SLC24A3: variants seen among roughly 807,000 people sequenced by gnomAD.
SLC24A3 encodes solute carrier family 24 member 3.
SLC24A3 carries 28 observed loss-of-function variants against 75.8 expected under a neutral mutation model. That is an observed-to-expected ratio of 0.37 (90% CI 0.27 to 0.51). SLC24A3 has a LOEUF of 0.51. Ranked by LOEUF, SLC24A3 falls within the 20% of genes least tolerant of loss-of-function variation. The pLI is 0.94. For synonymous variants in SLC24A3, 372 were observed against 334.1 expected, an observed-to-expected ratio of 1.11 and a Z score of -1.24; for missense variants, 663 against 847.8, an observed-to-expected ratio of 0.78 and a Z score of 2.71.
chr20:19,310,437 T>C lies in SLC24A3; in HGVS notation c.271+29350T>C, dbSNP rs116936165. ...TTTTCTCTTCCATTTTTAAACCTGG[T>C]GTATGAAATAAAAATCAATAAGGCT... On this transcript the variant is annotated intron_variant, in intron 2 of 16. Transcript: ENST00000328041. 6.0e-3 allele frequency among the ~76,000 whole-genome samples: 918 copies of C among 152,320 alleles called. 7 individuals are homozygous for C. Among genetic ancestry groups the C allele is most frequent in the Non-Finnish European group, 9.7e-3 (660 of 68,032 alleles).
Position 19,313,124 on chromosome 20 carries a change from C to T in SLC24A3, c.271+32037C>T, listed in dbSNP as rs888787681. Among the ~76,000 whole-genome samples the T allele has an allele frequency of 3.6e-5, 5 of 138,152 alleles. No homozygotes were observed. In the East Asian group the frequency reaches 9.6e-4, roughly 26 times the overall value. 90.6% of individuals were successfully genotyped at this position (138,152 alleles called of 152,430 possible). ...GGATCTCAGCTCACTGCAAACTCTG[C>T]TTCCCAGGTTCAAGCGATTCTTCCC... On this transcript the variant is annotated intron_variant, in intron 2 of 16. Transcript: ENST00000328041.
At chr20:19,472,288 G>A (rs1342554014) in intron 2 of SLC24A3, among the ~76,000 whole-genome samples, 1 of 152,226 alleles carries the variant, frequency 6.6e-6, no homozygotes, top group Non-Finnish European at 1.5e-5. Context: ...AAATGCATGG[G>A]TGGTCAACTC....
chr20:19,266,420 T>G (rs1292701580), intron 1 of SLC24A3, among the ~76,000 whole-genome samples: 1 of 152,222 alleles, frequency 6.6e-6, no homozygotes, highest in East Asian at 1.9e-4. Context: ...TCTGCCTGAC[T>G]CATTGGTGAT....
intron 1 of SLC24A3, among the ~76,000 whole-genome samples, chr20:19,280,559 G>A (rs1983627302): frequency 6.6e-6 from 1 of 152,166 alleles, no homozygotes; most frequent in African/African-American, 2.4e-5. Context: ...GCTACAATGG[G>A]AATATTGACA....
At chr20:19,382,721 C>T (rs918830174) in intron 2 of SLC24A3, among the ~76,000 whole-genome samples, 11 of 152,124 alleles carry the variant, frequency 7.2e-5, no homozygotes, top group African/African-American at 2.7e-4. Flanking sequence ...TTACAGCTTC[C>T]CTTCATTGCC....
chr20:19,673,502 C>CT, intron 8 of SLC24A3, 99 bp from the exon 9 acceptor site: 1 of 1,017,010 alleles, frequency 9.8e-7, no homozygotes, highest in Non-Finnish European at 1.6e-6. Context: ...CTTCTCCTTA[C>CT]TATCCTGGCC....
chr20:19,270,031 T>C (rs1190424672), intron 1 of SLC24A3, among the ~76,000 whole-genome samples: 2 of 152,198 alleles, frequency 1.3e-5, no homozygotes, highest in East Asian at 1.9e-4. Flanking sequence ...ACCCATTTCA[T>C]TGGGGCTGCT....
chr20:19,335,354 T>C (rs1985106813), intron 2 of SLC24A3, among the ~76,000 whole-genome samples: 1 of 152,238 alleles, frequency 6.6e-6, no homozygotes, highest in South Asian at 2.1e-4. Flanking sequence ...GATAGGACTT[T>C]GTGTGCTCAG....
At chr20:19,415,153 G>A (rs1986806461) in intron 2 of SLC24A3, among the ~76,000 whole-genome samples, 1 of 152,176 alleles carries the variant, frequency 6.6e-6, no homozygotes, top group African/African-American at 2.4e-5. Context: ...CCAGCAGCAG[G>A]GGTCTTTGGG....
At chr20:19,323,488 A>T (rs1486675797) in intron 2 of SLC24A3, among the ~76,000 whole-genome samples, 1 of 152,144 alleles carries the variant, frequency 6.6e-6, no homozygotes, top group Non-Finnish European at 1.5e-5. Flanking sequence ...ATATTTTAAA[A>T]TATAAGGGTA....
chr20:19,717,689 G>A lies in SLC24A3; in HGVS notation c.1785+96G>A. ...AGATGAGCTTGGTCTCCTGGTGACT[G>A]GGTACAAGCAACCTCCTTGTCCCAT... On this transcript the variant is annotated intron_variant, in intron 16 of 16. Transcript: ENST00000328041. The A allele has an allele frequency of 2.9e-6, 4 of 1,380,492 alleles. No homozygotes were observed. In the South Asian group the frequency reaches 3.6e-5, roughly 12 times the overall value. 85.5% of individuals were successfully genotyped at this position (1,380,492 alleles called of 1,614,324 possible). A position where few individuals can be genotyped will look rare whatever the true frequency, so the allele number is the denominator to read the frequency against.
In SLC24A3 at chr20:19,413,821, G is replaced by A. The variant is rs191504154; in HGVS notation, c.272-101667G>A. Among the ~76,000 whole-genome samples, 12 of 152,300 alleles carry A rather than the reference G, an allele frequency of 7.9e-5. No homozygotes were observed. The East Asian group carries it at 2.3e-3, about 29-fold the overall frequency. ...CATCATGGAATCAATCAATAGGTTT[G>A]ACGTAATAACATTTTAAAATTTCTC... On this transcript the variant is annotated intron_variant, in intron 2 of 16. Coordinates refer to ENST00000328041, the MANE Select transcript of SLC24A3 (RefSeq NM_020689.4).
intron 6 of SLC24A3, among the ~76,000 whole-genome samples, chr20:19,602,989 C>T (rs1191608508): frequency 6.6e-6 from 1 of 152,192 alleles, no homozygotes; most frequent in African/African-American, 2.4e-5. Context: ...GGCATGTTCA[C>T]GGTGCATGTG....
intron 2 of SLC24A3, among the ~76,000 whole-genome samples, chr20:19,511,852 AG>A (rs149653323): frequency 0.11 from 16,536 of 152,190 alleles, 979 homozygotes; most frequent in South Asian, 0.12. Context: ...GAAGTTTGCT[AG>A]GTGAGTATTT....
At chr20:19,438,833 G>A (rs1218574763) in intron 2 of SLC24A3, among the ~76,000 whole-genome samples, 1 of 151,794 alleles carries the variant, frequency 6.6e-6, no homozygotes, top group Non-Finnish European at 1.5e-5. Context: ...ATAGTAAGCT[G>A]CTCGTTGGCC....
chr20:19,607,467 C>T (rs1244344614), intron 6 of SLC24A3, among the ~76,000 whole-genome samples: 6 of 152,208 alleles, frequency 3.9e-5, no homozygotes, highest in Admixed American at 3.9e-4. Context: ...CAGCCCGGGC[C>T]TTCTGAGGCA....
intron 1 of SLC24A3, among the ~76,000 whole-genome samples, chr20:19,264,576 A>C (rs1040314232): frequency 6.6e-6 from 1 of 152,044 alleles, no homozygotes; most frequent in Admixed American, 6.6e-5. Context: ...ATAAAAAAAA[A>C]AAATTAGCTG....
chr20:19,607,673 T>A (rs894634506), intron 6 of SLC24A3, among the ~76,000 whole-genome samples: 3 of 152,220 alleles, frequency 2.0e-5, no homozygotes, highest in African/African-American at 7.2e-5. Context: ...GCATTTCTCA[T>A]CCTGCCCCTT....
intron 3 of SLC24A3, among the ~76,000 whole-genome samples, chr20:19,570,858 G>A (rs578084072): frequency 7.2e-5 from 11 of 152,256 alleles, no homozygotes; most frequent in African/African-American, 2.6e-4. Context: ...TAATTTGTTT[G>A]CATCCTTAGC....
Sources: allele counts gnomAD v4.1 joint callset (sites outside exome capture counted in the v4.1 genomes callset), GRCh38; gene constraint gnomAD v4.1.1; transcripts MANE v1.5; gene names NCBI Gene and HGNC (gene_info 2026-07-23, HGNC 2026-07-21).